SLMAP: variants seen among roughly 807,000 people sequenced by gnomAD.
The protein encoded by SLMAP is sarcolemmal membrane-associated protein.
Under a neutral mutation model 128.8 loss-of-function variants are expected in SLMAP, and 44 were observed. The ratio of observed to expected loss-of-function variants is 0.34; its 90% CI spans 0.27 to 0.44. The LOEUF (loss-of-function observed/expected upper bound fraction) is 0.44, where lower values mean the gene tolerates loss of function less well. Ranked by LOEUF, SLMAP falls within the 20% of genes least tolerant of loss-of-function variation. The pLI is 1.00. For synonymous variants in SLMAP, 327 were observed against 348.8 expected (o/e 0.94, Z 0.70); for missense variants, 787 against 985.3 (o/e 0.80, Z 2.69).
intron 2 of SLMAP, among the ~76,000 whole-genome samples, chr3:57,789,875 C>T (rs559072536): frequency 2.0e-5 from 3 of 152,098 alleles, no homozygotes; most frequent in African/African-American, 4.8e-5. Flanking sequence ...CTCACTCTGT[C>T]GCCCAGGCTG....
chr3:57,883,737 G>A (rs2095806209), intron 14 of SLMAP, among the ~76,000 whole-genome samples: 1 of 152,020 alleles, frequency 6.6e-6, no homozygotes, highest in Non-Finnish European at 1.5e-5. Flanking sequence ...AAGAGATATG[G>A]GTTTCCACTT....
Position 57,869,630 on chromosome 3 carries a change from T to TTTTATATATATA in SLMAP, c.1238-2005_1238-2004insTTATATATATAT, listed in dbSNP as rs1451155377. Among the ~76,000 whole-genome samples the TTTTATATATATA allele has an allele frequency of 6.6e-4, 50 of 75,468 alleles. 1 individual carries two copies. The highest frequency in any genetic ancestry group is 4.8e-3 in the Admixed American group (27 of 5,682). The allele number at this position is 75,468 out of a possible 152,430, so 49.5% of individuals were successfully genotyped here. A position where few individuals can be genotyped will look rare whatever the true frequency, so the allele number is the denominator to read the frequency against. Reference sequence around the variant, plus strand: ...ACAACATAGCAAGATCCCATCTCTATTATATATATATATATATATATATAT... The same window carrying TTTTATATATATA: ...ACAACATAGCAAGATCCCATCTCTATTTTATATATATATATATATATATATATATATATATAT... On this transcript the variant is annotated intron_variant, in intron 13 of 24. Transcript: ENST00000671191.
chr3:57,814,690 A>C (rs182329883), intron 2 of SLMAP, among the ~76,000 whole-genome samples: 61 of 152,116 alleles, frequency 4.0e-4, no homozygotes, highest in African/African-American at 1.4e-3. Context: ...AACTTCACTT[A>C]GGGCTGGGTG....
rs201611080 is a variant in SLMAP at position 57,906,315 on chromosome 3, T to C, written c.1502-1569T>C. 2.9e-4 allele frequency among the ~76,000 whole-genome samples: 34 copies of C among 117,766 alleles called. 1 individual carries two copies. The highest frequency in any genetic ancestry group is 5.4e-4 in the African/African-American group (17 of 31,194). 77.3% of individuals were successfully genotyped at this position (117,766 alleles called of 152,430 possible). A position where few individuals can be genotyped will look rare whatever the true frequency, so the allele number is the denominator to read the frequency against. ...AAATTTTTTTCTTTTTTTTTCTTTTTTTTTTTTTTTTTTTTTTAGAGACAC... is the reference window on the plus strand; with the variant it reads ...AAATTTTTTTCTTTTTTTTTCTTTTCTTTTTTTTTTTTTTTTTAGAGACAC... On this transcript the variant is annotated intron_variant, in intron 17 of 24. Coordinates refer to ENST00000671191, the MANE Select transcript of SLMAP (RefSeq NM_001377540.1).
intron 23 of SLMAP, among the ~76,000 whole-genome samples, chr3:57,925,361 C>T: frequency 6.8e-6 from 1 of 146,526 alleles, no homozygotes; most frequent in Admixed American, 6.9e-5. Flanking sequence ...AACGGAGTCT[C>T]TCTCTGTCAC....
chr3:57,766,180 T>TTTTTGTA (rs1295333629), intron 2 of SLMAP, among the ~76,000 whole-genome samples: 68 of 143,142 alleles, frequency 4.8e-4, no homozygotes, highest in Non-Finnish European at 9.3e-4. Flanking sequence ...TTTTTTTTTT[T>TTTTTGTA]TTTTTTTTTG....
At chr3:57,880,149 A>G (rs2095699195) in intron 14 of SLMAP, among the ~76,000 whole-genome samples, 1 of 150,210 alleles carries the variant, frequency 6.7e-6, no homozygotes, top group African/African-American at 2.5e-5. Flanking sequence ...TTTGTGTTTT[A>G]TGTTCCTTTT....
At chr3:57,783,149 G>A (rs1476970978) in intron 2 of SLMAP, among the ~76,000 whole-genome samples, 1 of 152,172 alleles carries the variant, frequency 6.6e-6, no homozygotes, top group Admixed American at 6.5e-5. Context: ...AGAATTTGGA[G>A]GAGCAGGCTA....
chr3:57,882,007 T>TTAAA (rs367882992), intron 14 of SLMAP, among the ~76,000 whole-genome samples: 3,104 of 152,072 alleles, frequency 0.02, 73 homozygotes, highest in African/African-American at 0.06. Context: ...ATGCCATATC[T>TTAAA]TAAATAAATA....
chr3:57,880,473 G>A (rs1164539646), intron 14 of SLMAP, among the ~76,000 whole-genome samples: 1 of 152,078 alleles, frequency 6.6e-6, no homozygotes, highest in African/African-American at 2.4e-5. Flanking sequence ...AAAGTGTGGG[G>A]ATTACAAGCA....
At chr3:57,831,249 A>G (rs1222445369) in intron 2 of SLMAP, 134 bp from the exon 3 acceptor site, 1 of 515,708 alleles carries the variant, frequency 1.9e-6, no homozygotes, top group Non-Finnish European at 3.2e-6. Flanking sequence ...CTTAGCTGAA[A>G]TGAGTGGTTT....
At chr3:57,807,668 G>A (rs1160682682) in intron 2 of SLMAP, among the ~76,000 whole-genome samples, 2 of 152,198 alleles carry the variant, frequency 1.3e-5, no homozygotes, top group African/African-American at 4.8e-5. Flanking sequence ...TAAGCTTTTT[G>A]ATGTGCTGCT....
chr3:57,913,539 A>G (rs567327986), intron 21 of SLMAP, among the ~76,000 whole-genome samples: 1 of 152,280 alleles, frequency 6.6e-6, no homozygotes, highest in South Asian at 2.1e-4. Context: ...TGAACAAACA[A>G]CAAAAGTCTG....
rs1199144748 is a variant in SLMAP at position 57,771,201 on chromosome 3, TCTCCTC to T, written c.198+13364_198+13369del. Reference sequence around the variant, plus strand: ...CCCCTCTCCTCTCCTCCCTTCTCTTTCTCCTCCTCCTCCTCCTTTGAGAGAGAGAGA... The same window carrying T: ...CCCCTCTCCTCTCCTCCCTTCTCTTTCTCCTCCTCCTTTGAGAGAGAGAGA... On this transcript the variant is annotated intron_variant, in intron 2 of 24. Coordinates refer to ENST00000671191, the MANE Select transcript of SLMAP (RefSeq NM_001377540.1). Among the ~76,000 whole-genome samples the T allele has an allele frequency of 2.6e-3, 360 of 140,022 alleles. 1 individual carries two copies. The highest frequency in any genetic ancestry group is 9.0e-3 in the African/African-American group (333 of 37,162). 91.9% of individuals were successfully genotyped at this position (140,022 alleles called of 152,430 possible).
chr3:57,906,300 C>CTTTCTTTTTTT (rs1559511938), intron 17 of SLMAP, among the ~76,000 whole-genome samples: 1 of 71,290 alleles, frequency 1.4e-5, no homozygotes, highest in Non-Finnish European at 2.8e-5. Context: ...AAATTTTTTT[C>CTTTCTTTTTTT]TTTTTTTTTC....
chr3:57,787,531 C>T (rs2084477337), intron 2 of SLMAP, among the ~76,000 whole-genome samples: 1 of 152,200 alleles, frequency 6.6e-6, no homozygotes, highest in African/African-American at 2.4e-5. Context: ...GGCTGGAATG[C>T]AGTGGCGCAA....
intron 3 of SLMAP, among the ~76,000 whole-genome samples, chr3:57,832,251 A>G (rs146002959): frequency 1.1e-3 from 170 of 152,276 alleles, no homozygotes; most frequent in African/African-American, 4.0e-3. Flanking sequence ...ATCAGTTTTG[A>G]TTTATTCCTT....
chr3:57,864,260 A>G (rs1199507362), intron 10 of SLMAP, among the ~76,000 whole-genome samples: 1 of 152,182 alleles, frequency 6.6e-6, no homozygotes, highest in Non-Finnish European at 1.5e-5. Context: ...ATACAAAATT[A>G]GCTGGGTATG....
At chr3:57,922,307 G>A (rs2096932895) in intron 22 of SLMAP, among the ~76,000 whole-genome samples, 1 of 151,846 alleles carries the variant, frequency 6.6e-6, no homozygotes, top group South Asian at 2.1e-4. Context: ...AACTCACTTG[G>A]TGGAAAAGTG....
Sources: allele counts gnomAD v4.1 joint callset (sites outside exome capture counted in the v4.1 genomes callset), GRCh38; gene constraint gnomAD v4.1.1; transcripts MANE v1.5; gene names NCBI Gene and HGNC (gene_info 2026-07-23, HGNC 2026-07-21).